The following TMEM255A variants were observed in gnomAD, a reference collection of about 807,000 sequenced individuals.
TMEM255A encodes family with sequence similarity 70, member A.
A neutral mutation model predicts 23.5 loss-of-function variants in TMEM255A; 14 were observed. The ratio of observed to expected loss-of-function variants is 0.60; its 90% CI spans 0.39 to 0.93. The LOEUF (loss-of-function observed/expected upper bound fraction) is 0.93, where lower values mean the gene tolerates loss of function less well. Ranked by LOEUF, TMEM255A falls within the 40% of genes least tolerant of loss-of-function variation. The probability of loss-of-function intolerance (pLI) is 0.00; values close to 1 mark genes in which losing one functional copy is unlikely to be tolerated. For synonymous variants in TMEM255A, 104 were observed against 100.3 expected, an observed-to-expected ratio of 1.04 and a Z score of -0.22; for missense variants, 233 against 261.7, an observed-to-expected ratio of 0.89 and a Z score of 0.76.
chrX:120,296,800 GATATATAATATATATC>G (rs1556024317), intron 2 of TMEM255A, among the ~76,000 whole-genome samples: 56 of 3,633 alleles, frequency 0.015, no homozygotes, highest in African/African-American at 0.037. Flanking sequence ...TAATATATAT[GATATATAATATATATC>G]ATATATAATA....
intron 7 of TMEM255A, chrX:120,273,078 A>G (rs2057773485): frequency 7.2e-6 from 1 of 138,145 alleles, no homozygotes; most frequent in Non-Finnish European, 1.4e-5. Flanking sequence ...GGACTAATAC[A>G]TGCACTTTAC....
At chrX:120,253,974 G>A, downstream of TMEM255A, 2 of 1,138,544 alleles carry the variant, frequency 1.8e-6, no homozygotes, top group Non-Finnish European at 2.4e-6. Context: ...CATTGTTACC[G>A]ATTCTGATGA....
chrX:120,275,920 G>C (rs1355933683), intron 7 of TMEM255A, among the ~76,000 whole-genome samples: 1 of 106,233 alleles, frequency 9.4e-6, no homozygotes, highest in Non-Finnish European at 1.9e-5. Flanking sequence ...AGCCTCCCAA[G>C]TAGCTGGGAC....
intron 6 of TMEM255A, among the ~76,000 whole-genome samples, chrX:120,281,600 T>G (rs2057837626): frequency 8.9e-6 from 1 of 112,860 alleles, no homozygotes; most frequent in Non-Finnish European, 1.9e-5. Flanking sequence ...CTGTGTCTTA[T>G]TGATGCCCAT....
At chrX:120,285,758 A>G (rs2057870785) in intron 5 of TMEM255A, 1 of 1,199,795 alleles carries the variant, frequency 8.3e-7, no homozygotes, top group African/African-American at 1.8e-5. Context: ...GGAAGTCATT[A>G]TTAATATTTT....
intron 8 of TMEM255A, among the ~76,000 whole-genome samples, chrX:120,262,965 C>T (rs781923380): frequency 2.7e-5 from 3 of 111,068 alleles, no homozygotes; most frequent in Non-Finnish European, 5.7e-5. Context: ...GGTGGTACAA[C>T]GGCCCTTGGG....
intron 2 of TMEM255A, 63 bp from the exon 3 acceptor site, chrX:120,294,114 C>G (rs1202686690): frequency 4.6e-6 from 4 of 878,403 alleles, no homozygotes; most frequent in African/African-American, 2.0e-5. Context: ...CACAATCATT[C>G]CAGCCCCTTC....
At chrX:120,297,122 T>C (rs1274075499) in intron 2 of TMEM255A, among the ~76,000 whole-genome samples, 2 of 35,639 alleles carry the variant, frequency 5.6e-5, no homozygotes, top group Admixed American at 5.1e-4. Flanking sequence ...TATTATATTA[T>C]AATATATAAT....
chrX:120,282,101 C>T (rs1556021022), intron 6 of TMEM255A, among the ~76,000 whole-genome samples: 1 of 111,297 alleles, frequency 9.0e-6, no homozygotes, highest in Non-Finnish European at 1.9e-5. Flanking sequence ...AAAACAAATA[C>T]ACATTTGGCA....
intron 2 of TMEM255A, among the ~76,000 whole-genome samples, chrX:120,295,908 T>G (rs976572619): frequency 1.8e-5 from 2 of 112,324 alleles, no homozygotes; most frequent in Non-Finnish European, 3.8e-5. Flanking sequence ...ATTTAACTTT[T>G]GAGCCACTCT....
intron 6 of TMEM255A, among the ~76,000 whole-genome samples, chrX:120,278,694 G>T (rs1293670850): frequency 8.9e-6 from 1 of 112,389 alleles, no homozygotes; most frequent in Admixed American, 9.4e-5. Flanking sequence ...TGACTCCCCT[G>T]CTATAAGAAT....
At chrX:120,308,642 C>G (rs1556027591) in intron 1 of TMEM255A, among the ~76,000 whole-genome samples, 1 of 112,118 alleles carries the variant, frequency 8.9e-6, no homozygotes, top group Non-Finnish European at 1.9e-5. Flanking sequence ...AGACAGTTCT[C>G]TGAATGGAGA....
intron 7 of TMEM255A, among the ~76,000 whole-genome samples, chrX:120,273,998 A>G (rs2057779142): frequency 8.9e-6 from 1 of 112,500 alleles, no homozygotes; most frequent in Non-Finnish European, 1.9e-5. Flanking sequence ...AAACATGAAA[A>G]CAACCCAAAT....
intron 8 of TMEM255A, among the ~76,000 whole-genome samples, chrX:120,262,761 C>G (rs1237955687): frequency 8.9e-6 from 1 of 111,797 alleles, no homozygotes; most frequent in Non-Finnish European, 1.9e-5. Context: ...ATATGGCACT[C>G]ACTGCCTCTC....
chrX:120,268,233 C>G lies in TMEM255A; in HGVS notation c.819+11G>C. The G allele has an allele frequency of 8.3e-7, 1 of 1,199,520 alleles. No homozygotes were observed. The highest frequency in any genetic ancestry group is 1.8e-5 in the South Asian group (1 of 54,564). On this transcript the variant is annotated intron_variant, in intron 8 of 8. Coordinates refer to ENST00000371369, the MANE Select transcript of TMEM255A (RefSeq NM_001104544.3). ...GGGTAATACAGAGTTCTTTTTTCTCCCAAAACATACCTGAAAGTCATAAGC... is the reference window on the plus strand; with the variant it reads ...GGGTAATACAGAGTTCTTTTTTCTCGCAAAACATACCTGAAAGTCATAAGC...
At chrX:120,256,005 A>G (rs1388730577), downstream of TMEM255A, 1 of 123,708 alleles carries the variant, frequency 8.1e-6, no homozygotes, top group Non-Finnish European at 1.9e-5. Flanking sequence ...CATGCAGACA[A>G]GTCTCTCATC....
intron 8 of TMEM255A, among the ~76,000 whole-genome samples, chrX:120,265,151 C>G (rs2057707976): frequency 8.9e-6 from 1 of 112,208 alleles, no homozygotes; most frequent in Admixed American, 9.4e-5. Flanking sequence ...GCTGGGATTA[C>G]AGGCGTGAGC....
At chrX:120,267,032 C>T (rs782735947) in intron 8 of TMEM255A, among the ~76,000 whole-genome samples, 28 of 111,937 alleles carry the variant, frequency 2.5e-4, no homozygotes, top group African/African-American at 9.1e-4. Context: ...TCAAGGTCAT[C>T]GCCAAGGTCT....
Position 120,259,852 on chromosome X carries a change from C to G in TMEM255A, c.*1018G>C. The G allele has an allele frequency of 8.9e-6, 1 of 111,799 alleles. No individual in the cohort carries two copies. Among genetic ancestry groups the G allele is most frequent in the Non-Finnish European group, 1.9e-5 (1 of 53,186 alleles). 9.2% of individuals were successfully genotyped at this position (111,799 alleles called of 1,213,427 possible). A position where few individuals can be genotyped will look rare whatever the true frequency, so the allele number is the denominator to read the frequency against. ...AGCGGCATTGTAACACTTTCATAAT[C>G]TTGAATGCTGTCATGACTGGTCTCA... On this transcript the variant is annotated 3_prime_UTR_variant, in exon 9 of 9. Transcript: ENST00000371369.
Sources: allele counts gnomAD v4.1 joint callset (sites outside exome capture counted in the v4.1 genomes callset), GRCh38; gene constraint gnomAD v4.1.1; transcripts MANE v1.5; gene names NCBI Gene and HGNC (gene_info 2026-07-23, HGNC 2026-07-21).